Variants in ADGRF1 observed in about 807,000 individuals in gnomAD.
The protein encoded by ADGRF1 is adhesion G protein-coupled receptor F1.
In ADGRF1, 85 loss-of-function variants were observed where a neutral mutation model predicts 87.2. The observed-to-expected ratio is 0.97, with a 90% CI of 0.82 to 1.17. ADGRF1 has a LOEUF of 1.17. ADGRF1 is among the 50% of genes most tolerant of loss of function. The pLI, the probability that ADGRF1 is intolerant of heterozygous loss-of-function variation, is 0.00. For synonymous variants in ADGRF1, 430 were observed against 408.8 expected, an observed-to-expected ratio of 1.05 and a Z score of -0.63; for missense variants, 1,169 against 1,077.2, an observed-to-expected ratio of 1.09 and a Z score of -1.19.
chr6:47,008,621 C>G (rs952432758), intron 11 of ADGRF1, among the ~76,000 whole-genome samples: 2 of 152,310 alleles, frequency 1.3e-5, no homozygotes, highest in Admixed American at 6.5e-5. Flanking sequence ...TGATGTATTT[C>G]CCTTTCTCTG....
At position 47,012,247 on chromosome 6, in the gene ADGRF1, T is replaced by C; in HGVS notation, c.928-52A>G. On this transcript the variant is annotated intron_variant, in intron 9 of 14. Transcript: ENST00000371253. ...GAAAACAATGACATGCTGTGTTTCA[T>C]CAAATTTAAATCAGATGTCTTGGCC... 1.9e-6 allele frequency: 3 copies of C among 1,587,420 alleles called. No individual in the cohort carries two copies. The South Asian group carries it at 3.4e-5, about 18-fold the overall frequency.
chr6:47,035,763 T>C (rs1455852031), intron 1 of ADGRF1, among the ~76,000 whole-genome samples: 1 of 152,220 alleles, frequency 6.6e-6, no homozygotes, highest in Non-Finnish European at 1.5e-5. Flanking sequence ...AATTCTTTTC[T>C]CAGAAAAAGG....
chr6:47,032,016 G>T (rs1301173977), intron 1 of ADGRF1, among the ~76,000 whole-genome samples: 1 of 152,068 alleles, frequency 6.6e-6, no homozygotes, highest in Non-Finnish European at 1.5e-5. Context: ...CAGCCCATGT[G>T]TATTATTAAA....
At chr6:47,007,184 C>A in intron 12 of ADGRF1, 69 bp downstream of exon 12, 1 of 927,582 alleles carries the variant, frequency 1.1e-6, no homozygotes, top group South Asian at 1.6e-5. Context: ...GAATAAAGGC[C>A]TCAGAACAAA....
intron 4 of ADGRF1, among the ~76,000 whole-genome samples, chr6:47,025,287 T>A (rs1780195732): frequency 6.6e-6 from 1 of 152,198 alleles, no homozygotes; most frequent in South Asian, 2.1e-4. Flanking sequence ...GAGTTTCTGA[T>A]CCTCTTAAGT....
chr6:47,013,339 C>T, intron 9 of ADGRF1: 1 of 985,622 alleles, frequency 1.0e-6, no homozygotes, highest in Non-Finnish European at 1.2e-6. Context: ...CAAGAAGAAA[C>T]CCCAGAATCT....
Position 47,039,965 on chromosome 6 carries a change from A to AAAAT in ADGRF1, c.-44+2222_-44+2225dup, listed in dbSNP as rs59928873. Among the ~76,000 whole-genome samples, 819 of 152,146 alleles carry AAAAT rather than the reference A, an allele frequency of 5.4e-3. 6 individuals are homozygous for AAAAT. The highest frequency in any genetic ancestry group is 0.016 in the African/African-American group (677 of 41,500). Reference sequence around the variant, plus strand: ...CAACAGAGTGAGAAACTCTGTCTCAAAAATAAATAAATAAATAAATAGATA... The same window carrying AAAAT: ...CAACAGAGTGAGAAACTCTGTCTCAAAAATAAATAAATAAATAAATAAATAGATA... On this transcript the variant is annotated intron_variant, in intron 1 of 14. Transcript: ENST00000371253.
At chr6:47,018,562 T>A in intron 7 of ADGRF1, 1 of 1,289,302 alleles carries the variant, frequency 7.8e-7, no homozygotes, top group Non-Finnish European at 1.0e-6. Context: ...TTAAACCAGG[T>A]TCCACAGGTG....
At chr6:47,024,892 T>G (rs1780179841) in intron 4 of ADGRF1, among the ~76,000 whole-genome samples, 1 of 152,156 alleles carries the variant, frequency 6.6e-6, no homozygotes, top group Admixed American at 6.5e-5. Context: ...ACATAGCCAC[T>G]GCAATGGAAG....
chr6:47,029,007 C>T lies in ADGRF1; in HGVS notation c.55G>A (p.Gly19Ser), dbSNP rs766216134. ...CACCAACTCACCCCCAGGAAGCCAC[C>T]GTGGCCGTCAGTGAAGGTGAAGAAA... ...ISFFTFTDGH[G>S]GFLGKNDGIK... Residue 19 changes from glycine (G) to serine (S), a missense_variant, in exon 2 of 15, where the codon GGT (glycine) becomes AGT (serine). Transcript: ENST00000371253. 28 of 1,613,972 alleles carry T rather than the reference C, an allele frequency of 1.7e-5. 1 individual carries two copies. The East Asian group carries it at 4.5e-4, about 26-fold the overall frequency.
intron 13 of ADGRF1, among the ~76,000 whole-genome samples, chr6:47,003,622 C>T (rs1454042178): frequency 1.3e-5 from 2 of 152,178 alleles, no homozygotes; most frequent in Admixed American, 6.5e-5. Flanking sequence ...CTCTTTCAAC[C>T]AATTGCCAAT....
intron 12 of ADGRF1, among the ~76,000 whole-genome samples, chr6:47,006,147 T>C (rs886434791): frequency 6.6e-6 from 1 of 152,194 alleles, no homozygotes; most frequent in Non-Finnish European, 1.5e-5. Context: ...AACTGAAGTG[T>C]ATCTTTGAAG....
chr6:47,027,115 C>G (rs368390852), intron 3 of ADGRF1, among the ~76,000 whole-genome samples: 6 of 152,182 alleles, frequency 3.9e-5, no homozygotes, highest in Non-Finnish European at 5.9e-5. Context: ...ATAGTAACAT[C>G]CCAACAATAG....
At chr6:47,034,111 G>A (rs1301118709) in intron 1 of ADGRF1, among the ~76,000 whole-genome samples, 2 of 152,184 alleles carry the variant, frequency 1.3e-5, no homozygotes, top group Non-Finnish European at 2.9e-5. Context: ...CCTCATGTTT[G>A]TACCTCTTCC....
At chr6:47,022,616 C>T (rs1251088501) in intron 5 of ADGRF1, among the ~76,000 whole-genome samples, 1 of 152,124 alleles carries the variant, frequency 6.6e-6, no homozygotes, top group Non-Finnish European at 1.5e-5. Flanking sequence ...AGTACTTTAT[C>T]CCTATCTGCC....
chr6:47,021,689 A>C (rs531673444), intron 6 of ADGRF1, among the ~76,000 whole-genome samples: 2 of 152,310 alleles, frequency 1.3e-5, no homozygotes, highest in African/African-American at 4.8e-5. Context: ...AAAAATTAAA[A>C]GAGAAAATAA....
intron 1 of ADGRF1, among the ~76,000 whole-genome samples, chr6:47,032,031 C>T (rs1780445285): frequency 6.6e-6 from 1 of 152,122 alleles, no homozygotes; most frequent in African/African-American, 2.4e-5. Flanking sequence ...ATTAAAGCTA[C>T]ACAAGCAATG....
chr6:47,006,629 G>A (rs775978933), intron 12 of ADGRF1, among the ~76,000 whole-genome samples: 3 of 152,100 alleles, frequency 2.0e-5, no homozygotes, highest in Non-Finnish European at 2.9e-5. Flanking sequence ...CCCATCACCT[G>A]AGCAGTATAT....
chr6:47,013,129 C>G (rs897846256), intron 9 of ADGRF1: 1 of 985,334 alleles, frequency 1.0e-6, no homozygotes, highest in Non-Finnish European at 1.2e-6. Flanking sequence ...CTACACCAGG[C>G]TAACTTGGAA....
Sources: allele counts gnomAD v4.1 joint callset (sites outside exome capture counted in the v4.1 genomes callset), GRCh38; gene constraint gnomAD v4.1.1; transcripts MANE v1.5; gene names NCBI Gene and HGNC (gene_info 2026-07-23, HGNC 2026-07-21).